Variants in TRMT11 observed in about 807,000 individuals in gnomAD.
TRMT11 encodes tRNA (guanine(10)-N(2))-methyltransferase TRMT11.
Under a neutral mutation model 62.8 loss-of-function variants are expected in TRMT11, and 53 were observed. The observed-to-expected ratio is 0.84, with a 90% CI of 0.68 to 1.06. TRMT11 has a LOEUF of 1.06. Ranked by LOEUF, TRMT11 falls within the 50% of genes least tolerant of loss-of-function variation. The probability of loss-of-function intolerance (pLI) is 0.00; values close to 1 mark genes in which losing one functional copy is unlikely to be tolerated. For synonymous variants in TRMT11, 188 were observed against 190.3 expected (o/e 0.99, Z 0.10); for missense variants, 556 against 553.4 (o/e 1.00, Z -0.05).
At chr6:126,173,640 G>A (rs997090832), upstream of TRMT11, among the ~76,000 whole-genome samples, 2 of 152,118 alleles carry the variant, frequency 1.3e-5, no homozygotes, top group Non-Finnish European at 2.9e-5. Flanking sequence ...GGCTGTGGAT[G>A]GATTTTAAAT....
downstream of TRMT11, among the ~76,000 whole-genome samples, chr6:126,041,237 T>C (rs1376498982): frequency 6.6e-6 from 1 of 152,150 alleles, no homozygotes; most frequent in Non-Finnish European, 1.5e-5. Flanking sequence ...GTAGAGTATG[T>C]GTTAACATCA....
chr6:126,258,264 G>A, the TRMT11 span: 2 of 548,986 alleles, frequency 3.6e-6, no homozygotes, highest in Non-Finnish European at 7.1e-6. Flanking sequence ...GCGGCCCTGG[G>A]GGGTGGGCTC....
the TRMT11 span, among the ~76,000 whole-genome samples, chr6:126,242,746 A>T: frequency 6.6e-6 from 1 of 152,216 alleles, no homozygotes; most frequent in Non-Finnish European, 1.5e-5. Flanking sequence ...GAAAGCTGAA[A>T]CTGGACCCCT....
At chr6:126,103,224 G>A (rs1777422937) in intron 17 of TRMT11, among the ~76,000 whole-genome samples, 1 of 152,148 alleles carries the variant, frequency 6.6e-6, no homozygotes, top group South Asian at 2.1e-4. Context: ...ATTCTCATTT[G>A]TCATATGATA....
chr6:126,198,847 A>G (rs1252776981), exon 2 of TRMT11: 3 of 152,172 alleles, frequency 2.0e-5, no homozygotes, highest in Admixed American at 6.5e-5. Context: ...CATGGGGGAG[A>G]AGAGCACAGC....
At chr6:126,021,387 T>A (rs371944209) in intron 12 of TRMT11, 107 bp downstream of exon 12, 5 of 1,336,672 alleles carry the variant, frequency 3.7e-6, no homozygotes, top group East Asian at 5.0e-5. Context: ...CTTGATATTT[T>A]AAAAATTACA....
intron 17 of TRMT11, among the ~76,000 whole-genome samples, chr6:126,053,240 C>T (rs527852368): frequency 6.0e-4 from 92 of 152,226 alleles, no homozygotes; most frequent in African/African-American, 2.1e-3. Flanking sequence ...AGGGCAAGCC[C>T]AGTGTGAGTC....
downstream of TRMT11, chr6:126,202,304 G>C (rs1401658461): frequency 6.6e-6 from 1 of 152,176 alleles, no homozygotes; most frequent in Non-Finnish European, 1.5e-5. Flanking sequence ...TTCTTAGGTT[G>C]ATGTACCCAT....
chr6:126,086,172 A>G (rs998592094), intron 17 of TRMT11, among the ~76,000 whole-genome samples: 1 of 152,214 alleles, frequency 6.6e-6, no homozygotes, highest in Non-Finnish European at 1.5e-5. Context: ...GACTCAATTC[A>G]GATATTATCT....
At chr6:126,094,853 A>G (rs1777323544) in intron 17 of TRMT11, among the ~76,000 whole-genome samples, 2 of 152,176 alleles carry the variant, frequency 1.3e-5, no homozygotes, top group Non-Finnish European at 2.9e-5. Flanking sequence ...TGTTAACTCT[A>G]CCAACACATA....
chr6:126,119,535 G>C (rs535223613), intron 21 of TRMT11, among the ~76,000 whole-genome samples: 65 of 151,836 alleles, frequency 4.3e-4, no homozygotes, highest in Middle Eastern at 6.8e-3. Context: ...TTGGGGAAAG[G>C]TGTGGAAAGA....
At chr6:126,115,931 G>C (rs1364799509) in intron 21 of TRMT11, among the ~76,000 whole-genome samples, 1 of 151,680 alleles carries the variant, frequency 6.6e-6, no homozygotes, top group Non-Finnish European at 1.5e-5. Flanking sequence ...CAGCAATGAA[G>C]TGTGAGTCCC....
At chr6:126,106,288 C>T (rs1027173673) in intron 17 of TRMT11, among the ~76,000 whole-genome samples, 17 of 151,890 alleles carry the variant, frequency 1.1e-4, no homozygotes, top group African/African-American at 3.1e-4. Flanking sequence ...GGATTACAGG[C>T]GCCTGCCACC....
chr6:126,154,453 G>T (rs1778095344), intron 21 of TRMT11, among the ~76,000 whole-genome samples: 1 of 151,960 alleles, frequency 6.6e-6, no homozygotes, highest in Non-Finnish European at 1.5e-5. Flanking sequence ...GTAGCACGTA[G>T]AAATTTACAC....
chr6:126,073,000 T>C (rs746881321), intron 17 of TRMT11, among the ~76,000 whole-genome samples: 7 of 152,146 alleles, frequency 4.6e-5, no homozygotes, highest in Non-Finnish European at 1.0e-4. Flanking sequence ...AAAACAAATA[T>C]TTGTCTTCTT....
At chr6:126,021,061 T>C (rs1795735258) in intron 11 of TRMT11, 99 bp from the exon 12 acceptor site, 16 of 1,356,422 alleles carry the variant, frequency 1.2e-5, no homozygotes, top group East Asian at 2.3e-5. Context: ...AAAAAGAGCA[T>C]GTAGTGGAAG....
chr6:126,172,067 A>G (rs916812630), intron 21 of TRMT11, among the ~76,000 whole-genome samples: 9 of 152,298 alleles, frequency 5.9e-5, no homozygotes, highest in Admixed American at 2.0e-4. Context: ...CCAGTGCTCA[A>G]TGAGAAACAC....
intron 17 of TRMT11, among the ~76,000 whole-genome samples, chr6:126,112,386 A>G (rs936700903): frequency 6.6e-6 from 1 of 152,144 alleles, no homozygotes; most frequent in African/African-American, 2.4e-5. Flanking sequence ...TTGGATCCAT[A>G]AATTATTTCT....
intron 12 of TRMT11, among the ~76,000 whole-genome samples, chr6:126,022,881 A>G (rs1796034186): frequency 6.6e-6 from 1 of 152,210 alleles, no homozygotes; most frequent in Non-Finnish European, 1.5e-5. Context: ...CATTTTTAAA[A>G]CAAAAATACT....
Sources: allele counts gnomAD v4.1 joint callset (sites outside exome capture counted in the v4.1 genomes callset), GRCh38; gene constraint gnomAD v4.1.1; transcripts MANE v1.5; gene names NCBI Gene and HGNC (gene_info 2026-07-23, HGNC 2026-07-21).